The following KIAA0408 variants were observed in gnomAD, a reference collection of about 807,000 sequenced individuals.
KIAA0408 encodes the protein KIAA0408, also known as uncharacterized protein KIAA0408.
KIAA0408 carries 51 observed loss-of-function variants against 60.9 expected under a neutral mutation model. That is an observed-to-expected ratio of 0.84 (90% CI 0.67 to 1.06). The LOEUF is 1.06. Ranked by LOEUF, KIAA0408 falls within the 50% of genes least tolerant of loss-of-function variation. The pLI, the probability that KIAA0408 is intolerant of heterozygous loss-of-function variation, is 0.00. For synonymous variants in KIAA0408, 304 were observed against 282.4 expected (o/e 1.08, Z -0.77); for missense variants, 787 against 833.9 (o/e 0.94, Z 0.69).
At chr6:127,444,544 A>G (rs1159395941) in intron 5 of KIAA0408, among the ~76,000 whole-genome samples, 2 of 152,200 alleles carry the variant, frequency 1.3e-5, no homozygotes, top group Admixed American at 1.3e-4. Flanking sequence ...TCTCTGTAGA[A>G]CTAATGATGA....
chr6:127,450,307 T>A lies in KIAA0408; in HGVS notation c.181A>T (p.Ser61Cys), dbSNP rs3734447. 55 of 1,609,008 alleles carry A rather than the reference T, an allele frequency of 3.4e-5. No individual in the cohort carries two copies. The highest frequency in any genetic ancestry group is 1.9e-4 in the African/African-American group (14 of 74,602). Residue 61 changes from serine (S) to cysteine (C), a missense_variant, in exon 3 of 6, where the codon AGT becomes TGT. Transcript: ENST00000483725. The part of the protein sequence containing the change: ...KLWRKININE[S>C]AKIIDLYHEK... ...TGGTAAAGATCAATGATCTTAGCAC[T>A]TTCATTGATATTGATTTTCCTCCAA...
Position 127,453,905 on chromosome 6 carries a change from T to A in KIAA0408, c.77A>T (p.Asp26Val). ...KEKMELLDQF[D>V]NERKEWESQW... ...ACTTTCCCATTCCTTTCTTTCATTG[T>A]CAAACTGGTCCAGTAATTCCATCTT... The change falls in exon 2 of 6, where the codon GAC (aspartate) becomes GTC (valine). Residue 26 changes from aspartate (D) to valine (V), a missense_variant. By Grantham distance (152) the Asp-to-Val change is radical (BLOSUM62 -3). Around this residue, in one of 3 missense-constraint regions of KIAA0408, gnomAD observed 640 missense variants for 681.3 expected, o/e 0.94. Transcript: ENST00000483725. 1 of 1,613,030 alleles carries A rather than the reference T, an allele frequency of 6.2e-7. No individual in the cohort carries two copies. Among genetic ancestry groups the A allele is most frequent in the Non-Finnish European group, 8.5e-7 (1 of 1,179,250 alleles).
intron 2 of KIAA0408, among the ~76,000 whole-genome samples, chr6:127,452,648 C>A (rs375102810): frequency 6.6e-6 from 1 of 152,038 alleles, no homozygotes; most frequent in Non-Finnish European, 1.5e-5. Flanking sequence ...TGCTTGGATG[C>A]TAGAATTGTC....
rs1013726233 is a variant in KIAA0408 at position 127,443,117 on chromosome 6, A to C, written c.*992T>G. Reference sequence around the variant, plus strand: ...TAATTTTAAGGAAAAGATTAGAAAAAGGAAAAAAATAATAAATGACTTACC... The same window carrying C: ...TAATTTTAAGGAAAAGATTAGAAAACGGAAAAAAATAATAAATGACTTACC... On this transcript the variant is annotated 3_prime_UTR_variant, in exon 6 of 6. Coordinates refer to ENST00000483725, the MANE Select transcript of KIAA0408 (RefSeq NM_014702.5). The C allele has an allele frequency of 5.3e-5, 8 of 152,164 alleles. No individual in the cohort carries two copies. Among genetic ancestry groups the C allele is most frequent in the Admixed American group, 5.2e-4 (8 of 15,278 alleles). The allele number at this position is 152,164 out of a possible 1,614,324, so 9.4% of individuals were successfully genotyped here. A position where few individuals can be genotyped will look rare whatever the true frequency, so the allele number is the denominator to read the frequency against.
intron 2 of KIAA0408, among the ~76,000 whole-genome samples, chr6:127,452,626 C>T (rs1286839675): frequency 6.6e-6 from 1 of 152,054 alleles, no homozygotes; most frequent in African/African-American, 2.4e-5. Context: ...ATCCTGCATC[C>T]CTTAGTTATT....
intron 1 of KIAA0408, among the ~76,000 whole-genome samples, chr6:127,458,017 T>A: frequency 6.6e-6 from 1 of 152,164 alleles, no homozygotes; most frequent in East Asian, 1.9e-4. Flanking sequence ...TTCACATAAT[T>A]AAAGATTTTT....
intron 5 of KIAA0408, among the ~76,000 whole-genome samples, chr6:127,445,682 C>T (rs1773179072): frequency 6.6e-6 from 1 of 152,106 alleles, no homozygotes; most frequent in Non-Finnish European, 1.5e-5. Context: ...TATAACTCTT[C>T]TTTGTAAATA....
intron 5 of KIAA0408, 60 bp from the exon 6 acceptor site, chr6:127,444,342 A>T: frequency 7.5e-7 from 1 of 1,337,138 alleles, no homozygotes; most frequent in South Asian, 1.5e-5. Context: ...GGCTTAATAT[A>T]TGATGGGTCT....
rs1266577180 is a variant in KIAA0408, at chr6:127,442,905, T to C, written c.*1204A>G. ...TTCTGTCAGTTTTCAATATAGATTT[T>C]ATGTGTTCACTGTATGCAAACTGTA... On this transcript the variant is annotated 3_prime_UTR_variant, in exon 6 of 6. Coordinates refer to ENST00000483725, the MANE Select transcript of KIAA0408 (RefSeq NM_014702.5). 1.3e-5 allele frequency: 2 copies of C among 152,204 alleles called. No homozygotes were observed. The highest frequency in any genetic ancestry group is 2.9e-5 in the Non-Finnish European group (2 of 68,038). 9.4% of individuals were successfully genotyped at this position (152,204 alleles called of 1,614,324 possible). A position where few individuals can be genotyped will look rare whatever the true frequency, so the allele number is the denominator to read the frequency against.
At chr6:127,457,115 A>C (rs1343456985) in intron 1 of KIAA0408, among the ~76,000 whole-genome samples, 1 of 152,182 alleles carries the variant, frequency 6.6e-6, no homozygotes, top group Non-Finnish European at 1.5e-5. Context: ...TTTTTCAAAT[A>C]TTTTAAAGAT....
Position 127,442,097 on chromosome 6 carries a change from T to C in KIAA0408, c.*2012A>G, listed in dbSNP as rs1222608368. 1 of 152,138 alleles carries C rather than the reference T, an allele frequency of 6.6e-6. No individual in the cohort carries two copies. Among genetic ancestry groups the C allele is most frequent in the African/African-American group, 2.4e-5 (1 of 41,450 alleles). 9.4% of individuals were successfully genotyped at this position (152,138 alleles called of 1,614,324 possible). A position where few individuals can be genotyped will look rare whatever the true frequency, so the allele number is the denominator to read the frequency against. On this transcript the variant is annotated 3_prime_UTR_variant, in exon 6 of 6. Transcript: ENST00000483725. ...CTGCCTGATCATCAATATTTTGCTT[T>C]GTTTTGTTTTGTTTTATTAATGGTT... is the stretch of plus-strand genomic sequence containing the variant.
rs3756998 is a variant in KIAA0408, at chr6:127,451,139, C to T, written c.136-787G>A. 290 of 361,324 alleles carry T rather than the reference C, an allele frequency of 8.0e-4. 3 individuals are homozygous for T. The East Asian group carries it at 0.019, about 23-fold the overall frequency. The allele number at this position is 361,324 out of a possible 1,614,324, so 22.4% of individuals were successfully genotyped here. A position where few individuals can be genotyped will look rare whatever the true frequency, so the allele number is the denominator to read the frequency against. ...AATGGCTTTCTCTTTAGGCTTGGGTCATGTAAAAGCTTGTCAAACTTCAAA... is the reference window on the plus strand; with the variant it reads ...AATGGCTTTCTCTTTAGGCTTGGGTTATGTAAAAGCTTGTCAAACTTCAAA... On this transcript the variant is annotated intron_variant, in intron 2 of 5. Transcript: ENST00000483725.
chr6:127,450,009 C>G lies in KIAA0408; in HGVS notation c.479G>C (p.Cys160Ser), dbSNP rs771099600. ...ACTTACTGTACTGAGGGCGCCAGAA[C>G]AGCTCTTGCTGTCTTCCTCAGAAGT... is the stretch of plus-strand genomic sequence containing the variant. ...LRTSEEDSKS[C>S]SGALSTALEE... is the part of the protein sequence containing the mutation. The change falls in exon 3 of 6, where the codon TGT (cysteine) becomes TCT (serine). Residue 160 changes from cysteine to serine, a missense_variant. This residue lies in a region of KIAA0408 where 640 missense variants were observed against 681.3 expected (regional missense o/e 0.94). Coordinates refer to ENST00000483725, the MANE Select transcript of KIAA0408 (RefSeq NM_014702.5). The G allele has an allele frequency of 1.9e-6, 3 of 1,613,782 alleles. No individual in the cohort carries two copies. In the South Asian group the frequency reaches 3.3e-5, roughly 18 times the overall value.
At chr6:127,459,072 T>C (rs1470247185) in intron 1 of KIAA0408, 103 bp downstream of exon 1, 2 of 152,152 alleles carry the variant, frequency 1.3e-5, no homozygotes, top group East Asian at 1.9e-4. Flanking sequence ...GAAATTACAC[T>C]CCACTTAAAC....
In KIAA0408 at chr6:127,447,449, C is replaced by T; in HGVS notation, c.870G>A (p.Lys290=). 2 of 1,613,956 alleles carry T rather than the reference C, an allele frequency of 1.2e-6. No homozygotes were observed. The highest frequency in any genetic ancestry group is 4.5e-5 in the East Asian group (2 of 44,870). ...CCCAGCTGTTGTGGTCTAACCTTTC[C>T]TTCCATCTTTCATAGGCTTGTTCAG... ...SDSEQAYERW[K]ERLDHNSWVP... Residue 290 remains lysine, a synonymous_variant, in exon 5 of 6, where the codon AAG becomes AAA. Coordinates refer to ENST00000483725, the MANE Select transcript of KIAA0408 (RefSeq NM_014702.5).
intron 1 of KIAA0408, among the ~76,000 whole-genome samples, chr6:127,457,136 T>C (rs1773409946): frequency 6.6e-6 from 1 of 152,218 alleles, no homozygotes; most frequent in East Asian, 1.9e-4. Context: ...ACATGTCACA[T>C]ATTTAAAGAA....
At chr6:127,449,486 C>T (rs1296359454) in intron 4 of KIAA0408, among the ~76,000 whole-genome samples, 1 of 151,928 alleles carries the variant, frequency 6.6e-6, no homozygotes, top group Non-Finnish European at 1.5e-5. Context: ...CCCGTCTCTA[C>T]TAAAAATACA....
chr6:127,446,923 A>G lies in KIAA0408; in HGVS notation c.1396T>C (p.Ser466Pro), dbSNP rs1333522248. Residue 466 changes from serine to proline, a missense_variant, in exon 5 of 6, where the codon TCA (serine) becomes CCA (proline). Physicochemically the swap from Ser to Pro is moderately conservative, Grantham distance 74. Transcript: ENST00000483725. ...GGCTTGAGATCCTCCGATGATTTTG[A>G]GCAGCTGTGATTTTGCTGTATTGCC... is the stretch of plus-strand genomic sequence containing the variant. ...CQAIQQNHSC[S>P]KSSEDLKPCD... 4 of 1,613,982 alleles carry G rather than the reference A, an allele frequency of 2.5e-6. No homozygotes were observed. The South Asian group carries it at 3.3e-5, about 13-fold the overall frequency.
At position 127,441,770 on chromosome 6, in the gene KIAA0408, T is replaced by A. The variant is rs1158716464; in HGVS notation, c.*2339A>T. 6.6e-6 allele frequency: 1 copy of A among 152,188 alleles called. No individual in the cohort carries two copies. Among genetic ancestry groups the A allele is most frequent in the Non-Finnish European group, 1.5e-5 (1 of 68,034 alleles). The allele number at this position is 152,188 out of a possible 1,614,324, so 9.4% of individuals were successfully genotyped here. A position where few individuals can be genotyped will look rare whatever the true frequency, so the allele number is the denominator to read the frequency against. On this transcript the variant is annotated 3_prime_UTR_variant, in exon 6 of 6. Coordinates refer to ENST00000483725, the MANE Select transcript of KIAA0408 (RefSeq NM_014702.5). ...TTTCCATTTAAAAGTTATAAAATAT[T>A]TAAAAAGAGAAAACAGAACATTCAA...
Sources: allele counts gnomAD v4.1 joint callset (sites outside exome capture counted in the v4.1 genomes callset), GRCh38; gene constraint gnomAD v4.1.1; regional missense constraint gnomAD v4.1.1; transcripts MANE v1.5; gene names NCBI Gene and HGNC (gene_info 2026-07-23, HGNC 2026-07-21).